The following SLC8A1 variants were observed in gnomAD, a reference collection of about 807,000 sequenced individuals.
The protein encoded by SLC8A1 is solute carrier family 8 member A1, also known as sodium/calcium exchanger 1.
In SLC8A1, 18 loss-of-function variants were observed where a neutral mutation model predicts 68.3. That is an observed-to-expected ratio of 0.26 (90% CI 0.18 to 0.39). The LOEUF (loss-of-function observed/expected upper bound fraction) is 0.39, where lower values mean the gene tolerates loss of function less well. Among genes scored for constraint, SLC8A1 ranks in the 10% least tolerant of loss-of-function variants. The pLI is 1.00. For synonymous variants in SLC8A1, 475 were observed against 415.5 expected (o/e 1.14, Z -1.74); for missense variants, 985 against 1,156.7 (o/e 0.85, Z 2.15).
At position 40,279,156 on chromosome 2, in the gene SLC8A1, G is replaced by C. The variant is rs566831581; in HGVS notation, c.1809-101301C>G. On this transcript the variant is annotated intron_variant, in intron 2 of 7. Transcript: ENST00000406785. ...AGTAGTTTACAGCTGTTGTCTCTTTGTGCCCAAGACCATGGAGAATCCAGG... is the reference window on the plus strand; with the variant it reads ...AGTAGTTTACAGCTGTTGTCTCTTTCTGCCCAAGACCATGGAGAATCCAGG... 2.0e-5 allele frequency among the ~76,000 whole-genome samples: 3 copies of C among 152,258 alleles called. No individual in the cohort carries two copies. The East Asian group carries it at 5.8e-4, about 29-fold the overall frequency.
chr2:40,246,238 C>G (rs1001466134), intron 2 of SLC8A1, among the ~76,000 whole-genome samples: 48 of 152,170 alleles, frequency 3.2e-4, no homozygotes, highest in African/African-American at 1.1e-3. Context: ...GCATGTGGTA[C>G]ACATCTATCT....
At chr2:40,181,029 G>A (rs373602) in intron 2 of SLC8A1, among the ~76,000 whole-genome samples, 45,481 of 151,578 alleles carry the variant, frequency 0.3, 8,239 homozygotes, top group African/African-American at 0.51. Context: ...GTGTGATCTC[G>A]GCTTACTGCA....
At chr2:40,311,518 G>A (rs1043412036) in intron 2 of SLC8A1, among the ~76,000 whole-genome samples, 1 of 152,038 alleles carries the variant, frequency 6.6e-6, no homozygotes, top group Non-Finnish European at 1.5e-5. Context: ...AACATGTTGA[G>A]TGAAATAAAA....
intron 2 of SLC8A1, among the ~76,000 whole-genome samples, chr2:40,210,814 C>T (rs1260790821): frequency 2.6e-5 from 4 of 152,190 alleles, no homozygotes; most frequent in African/African-American, 9.6e-5. Context: ...TATTCTCACT[C>T]CCACTCAGTT....
intron 7 of SLC8A1, among the ~76,000 whole-genome samples, chr2:40,130,784 A>G (rs547069259): frequency 6.6e-6 from 1 of 152,326 alleles, no homozygotes; most frequent in East Asian, 1.9e-4. Flanking sequence ...CACTGTCACA[A>G]TGGCACCTCT....
chr2:40,388,820 G>T (rs139526701), intron 2 of SLC8A1, among the ~76,000 whole-genome samples: 1 of 152,200 alleles, frequency 6.6e-6, no homozygotes, highest in East Asian at 1.9e-4. Flanking sequence ...AAAGCAAGTA[G>T]AATCCAAATA....
intron 2 of SLC8A1, among the ~76,000 whole-genome samples, chr2:40,275,779 C>T (rs2066619702): frequency 6.6e-6 from 1 of 152,124 alleles, no homozygotes; most frequent in Non-Finnish European, 1.5e-5. Context: ...TATAATGAGG[C>T]AGGGCACAAG....
At chr2:40,344,267 C>A (rs374389289) in intron 2 of SLC8A1, among the ~76,000 whole-genome samples, 1 of 152,174 alleles carries the variant, frequency 6.6e-6, no homozygotes, top group Non-Finnish European at 1.5e-5. Context: ...GGAGGAGGCT[C>A]TGCTGATTTC....
chr2:40,456,242 G>C (rs12470186), upstream of SLC8A1, among the ~76,000 whole-genome samples: 28,530 of 151,006 alleles, frequency 0.19, 2,827 homozygotes, highest in African/African-American at 0.25. Context: ...CGTGAACCCA[G>C]GAGGCGGAGC....
chr2:40,264,540 G>A (rs1209977899), intron 2 of SLC8A1, among the ~76,000 whole-genome samples: 4 of 152,172 alleles, frequency 2.6e-5, no homozygotes, highest in Non-Finnish European at 5.9e-5. Context: ...ATGAGTTCAT[G>A]TCCTTTGTAG....
chr2:40,227,021 C>G (rs909667326), intron 2 of SLC8A1, among the ~76,000 whole-genome samples: 1 of 152,024 alleles, frequency 6.6e-6, no homozygotes, highest in Non-Finnish European at 1.5e-5. Flanking sequence ...TGGGACTCAC[C>G]ATCAAGTTTT....
At chr2:40,434,249 G>A (rs965593003) in intron 1 of SLC8A1, among the ~76,000 whole-genome samples, 1 of 152,204 alleles carries the variant, frequency 6.6e-6, no homozygotes, top group African/African-American at 2.4e-5. Context: ...ATATTCAAAA[G>A]AGAGCAGTAT....
At chr2:40,131,677 G>C (rs1172637835) in intron 7 of SLC8A1, among the ~76,000 whole-genome samples, 1 of 152,176 alleles carries the variant, frequency 6.6e-6, no homozygotes, top group East Asian at 1.9e-4. Context: ...AGTAAGCCTG[G>C]GCAGAACATG....
intron 2 of SLC8A1, among the ~76,000 whole-genome samples, chr2:40,305,038 G>A (rs186189304): frequency 1.3e-5 from 2 of 152,266 alleles, no homozygotes; most frequent in East Asian, 3.9e-4. Context: ...GTCTGGTGTG[G>A]GGCTTCAAAT....
At chr2:40,435,942 A>AT (rs59783278) in intron 1 of SLC8A1, among the ~76,000 whole-genome samples, 2,967 of 125,370 alleles carry the variant, frequency 0.024, 87 homozygotes, top group African/African-American at 0.07. Context: ...ATGCTCGGCT[A>AT]TTTTTTTTTT....
intron 1 of SLC8A1, among the ~76,000 whole-genome samples, chr2:40,505,939 G>A (rs1706338324): frequency 6.6e-6 from 1 of 151,876 alleles, no homozygotes; most frequent in South Asian, 2.1e-4. Context: ...AGAGGTTAGG[G>A]AGCACACCAA....
intron 2 of SLC8A1, among the ~76,000 whole-genome samples, chr2:40,428,158 C>A (rs2149779740): frequency 6.6e-6 from 1 of 152,144 alleles, no homozygotes; most frequent in Middle Eastern, 3.4e-3. Flanking sequence ...AATTTCTCAG[C>A]CTGTCTTAAG....
At chr2:40,502,554 T>C (rs957295766) in intron 1 of SLC8A1, among the ~76,000 whole-genome samples, 7 of 152,088 alleles carry the variant, frequency 4.6e-5, no homozygotes, top group African/African-American at 1.7e-4. Context: ...CTTTATCTCA[T>C]TGGTTCTTAC....
At chr2:40,279,880 TC>T (rs2067262333) in intron 2 of SLC8A1, among the ~76,000 whole-genome samples, 1 of 152,240 alleles carries the variant, frequency 6.6e-6, no homozygotes, top group Non-Finnish European at 1.5e-5. Flanking sequence ...TATTTAGTCT[TC>T]AGCTCTCCTA....
Sources: gnomAD v4.1 joint callset for allele counts (sites outside exome capture counted in the v4.1 genomes callset) on GRCh38, gnomAD v4.1.1 for gene constraint, MANE v1.5 for transcripts, NCBI Gene and HGNC (gene_info 2026-07-23, HGNC 2026-07-21) for gene names.